Variants in PZP observed in about 807,000 individuals in gnomAD.
PZP encodes the protein PZP alpha-2-macroglobulin like.
PZP carries 150 observed loss-of-function variants against 179.8 expected under a neutral mutation model. That is an observed-to-expected ratio of 0.83 (90% CI 0.73 to 0.96). The LOEUF is 0.96. PZP is among the 40% of genes least tolerant of loss of function. The pLI is 0.00. For synonymous variants in PZP, 624 were observed against 652.3 expected (o/e 0.96, Z 0.66); for missense variants, 1,689 against 1,764.0 (o/e 0.96, Z 0.76).
rs1943507950 is a variant in PZP at position 9,192,377 on chromosome 12, A to T, written c.1483-121T>A. 1.2e-5 allele frequency: 16 copies of T among 1,283,728 alleles called. No individual in the cohort carries two copies. The South Asian group carries it at 2.0e-4, about 16-fold the overall frequency. The allele number at this position is 1,283,728 out of a possible 1,614,324, so 79.5% of individuals were successfully genotyped here. The stretch of plus-strand genomic sequence containing the variant: ...GCTGGAGAGAATCAACCTCAAGAAA[A>T]CTCATGGAATGAAGGACGCACAACA... On this transcript the variant is annotated intron_variant, in intron 12 of 35. Coordinates refer to ENST00000261336, the MANE Select transcript of PZP (RefSeq NM_002864.3).
At chr12:9,197,632 A>G in intron 7 of PZP, among the ~76,000 whole-genome samples, 1 of 71,410 alleles carries the variant, frequency 1.4e-5, no homozygotes, top group South Asian at 4.2e-4. Flanking sequence ...ATATTATATT[A>G]TATATTATAT....
At chr12:9,176,775 A>C (rs763723260) in intron 15 of PZP, among the ~76,000 whole-genome samples, 1 of 152,264 alleles carries the variant, frequency 6.6e-6, no homozygotes, top group East Asian at 1.9e-4. Context: ...TTTGAACAGG[A>C]GTGTCAATAG....
chr12:9,188,769 C>G (rs111349818), intron 13 of PZP, among the ~76,000 whole-genome samples: 15 of 152,292 alleles, frequency 9.8e-5, no homozygotes, highest in African/African-American at 3.1e-4. Context: ...CAAGCAATCC[C>G]ATTCACAATT....
chr12:9,169,049 C>T (rs929328625), intron 16 of PZP, 75 bp from the exon 17 acceptor site: 2 of 1,082,320 alleles, frequency 1.8e-6, no homozygotes, highest in Non-Finnish European at 2.8e-6. Context: ...TTAGAGACTT[C>T]TCTATGTAAT....
chr12:9,149,536 C>T (rs1189763463), intron 35 of PZP, 25 bp downstream of exon 35: 6 of 1,603,578 alleles, frequency 3.7e-6, no homozygotes, highest in Non-Finnish European at 3.4e-6. Flanking sequence ...CCATCTAGTA[C>T]TGGTCATAAG....
intron 1 of PZP, 90 bp from the exon 2 acceptor site, chr12:9,204,041 T>C: frequency 7.9e-7 from 1 of 1,259,624 alleles, no homozygotes; most frequent in South Asian, 1.5e-5. Flanking sequence ...TATGTATTAA[T>C]TGGTGCAATC....
intron 26 of PZP, 37 bp from the exon 27 acceptor site, chr12:9,157,878 C>G (rs1940876801): frequency 4.6e-6 from 7 of 1,525,110 alleles, no homozygotes; most frequent in Non-Finnish European, 2.7e-6. Context: ...ATTCCAGTGC[C>G]AAGTGTTAGT....
rs1941943645 is a variant in PZP, at chr12:9,170,847, T to C, written c.1840-1256A>G. Among the ~76,000 whole-genome samples the C allele has an allele frequency of 6.6e-6, 1 of 152,122 alleles. No individual in the cohort carries two copies. The highest frequency in any genetic ancestry group is 1.5e-5 in the Non-Finnish European group (1 of 68,022). On this transcript the variant is annotated intron_variant, in intron 15 of 35. Transcript: ENST00000261336. The surrounding 1 kb of genome is among the most constrained non-coding windows in gnomAD (Gnocchi z 4.6). ...GTTCTAAAGACAGAGCTTTGATCTC[T>C]CCCTGGGACCGAGCTCCTGGGGGGC...
chr12:9,157,984 T>C (rs1940887680), intron 26 of PZP, 143 bp from the exon 27 acceptor site: 2 of 743,988 alleles, frequency 2.7e-6, no homozygotes, highest in Non-Finnish European at 4.5e-6. Flanking sequence ...GACAGGTTCT[T>C]GCTCTGTAGC....
In PZP at chr12:9,202,782, C is replaced by T; in HGVS notation, c.268-98G>A. The T allele has an allele frequency of 6.8e-6, 8 of 1,178,290 alleles. No homozygotes were observed. In the South Asian group the frequency reaches 1.2e-4, roughly 18 times the overall value. The allele number at this position is 1,178,290 out of a possible 1,614,324, so 73.0% of individuals were successfully genotyped here. On this transcript the variant is annotated intron_variant, in intron 2 of 35. Coordinates refer to ENST00000261336, the MANE Select transcript of PZP (RefSeq NM_002864.3). The stretch of plus-strand genomic sequence containing the variant: ...ATTTCCTATCTCTCCTTCAGCTTCA[C>T]CAAGGAGAAGGAAGGTGTGACTATT...
At chr12:9,147,663 C>T (rs1940080927), downstream of PZP, among the ~76,000 whole-genome samples, 1 of 152,138 alleles carries the variant, frequency 6.6e-6, no homozygotes, top group Admixed American at 6.5e-5. Flanking sequence ...ACTCTGTCAT[C>T]TTGCTGACTT....
chr12:9,146,618 C>T (rs1196273111), downstream of PZP, among the ~76,000 whole-genome samples: 1 of 151,026 alleles, frequency 6.6e-6, no homozygotes, highest in Non-Finnish European at 1.5e-5. Context: ...GGCACCTCTC[C>T]CATTCTTCAC....
intron 7 of PZP, among the ~76,000 whole-genome samples, 179 bp from the exon 8 acceptor site, chr12:9,197,302 G>T (rs955352414): frequency 1.3e-5 from 2 of 149,292 alleles, no homozygotes; most frequent in African/African-American, 2.5e-5. Flanking sequence ...TAAAACCTTT[G>T]AAACTTGACT....
At chr12:9,163,516 G>T in intron 21 of PZP, 152 bp downstream of exon 21, 2 of 839,728 alleles carry the variant, frequency 2.4e-6, no homozygotes, top group Non-Finnish European at 3.5e-6. Context: ...AGCTGGCAAT[G>T]TTGTCTGCTG....
intron 22 of PZP, 191 bp downstream of exon 22, chr12:9,162,406 A>T (rs776068535): frequency 1.8e-5 from 10 of 570,764 alleles, no homozygotes; most frequent in Non-Finnish European, 2.5e-5. Context: ...GTACCACCTG[A>T]GTCACATTAA....
At chr12:9,160,164 A>T (rs1173628164) in intron 24 of PZP, 139 bp from the exon 25 acceptor site, 3 of 1,109,020 alleles carry the variant, frequency 2.7e-6, no homozygotes, top group Admixed American at 4.5e-5. Context: ...TGTTATGGAT[A>T]GATCAAACAC....
chr12:9,198,107 C>T (rs1050013627), intron 7 of PZP, among the ~76,000 whole-genome samples: 1 of 150,640 alleles, frequency 6.6e-6, no homozygotes, highest in Non-Finnish European at 1.5e-5. Flanking sequence ...AACCCCAACA[C>T]TTTGGGAAGC....
At chr12:9,163,395 G>A (rs1388193201) in intron 21 of PZP, among the ~76,000 whole-genome samples, 6 of 151,550 alleles carry the variant, frequency 4.0e-5, no homozygotes, top group African/African-American at 1.5e-4. Context: ...AGAGCTTTCA[G>A]TGAGCCGAGA....
chr12:9,138,419 A>G, the PZP span, among the ~76,000 whole-genome samples: 57 of 151,894 alleles, frequency 3.8e-4, 2 homozygotes, highest in African/African-American at 1.3e-3. Context: ...AATATTTTTA[A>G]AATATTTTTT....
Sources: allele counts gnomAD v4.1 joint callset (sites outside exome capture counted in the v4.1 genomes callset), GRCh38; gene constraint gnomAD v4.1.1; non-coding constraint Gnocchi (gnomAD v3.1); transcripts MANE v1.5; gene names NCBI Gene and HGNC (gene_info 2026-07-23, HGNC 2026-07-21).